PRIM2: variants seen among roughly 807,000 people sequenced by gnomAD.
PRIM2 encodes DNA primase subunit 2.
In PRIM2, 39 loss-of-function variants were observed where a neutral mutation model predicts 67.3. The observed-to-expected ratio is 0.58, with a 90% CI of 0.45 to 0.76. The LOEUF is 0.76. PRIM2 is among the 30% of genes least tolerant of loss of function. The pLI is 0.00. For synonymous variants in PRIM2, 143 were observed against 198.7 expected (o/e 0.72, Z 2.36); for missense variants, 398 against 598.7 (o/e 0.66, Z 3.50).
intron 11 of PRIM2, among the ~76,000 whole-genome samples, chr6:57,603,759 A>G (rs1341461121): frequency 6.6e-6 from 1 of 151,522 alleles, no homozygotes; most frequent in Non-Finnish European, 1.5e-5. Context: ...TTGAATCTGT[A>G]CATTACTTAG....
intron 7 of PRIM2, among the ~76,000 whole-genome samples, chr6:57,453,367 T>G (rs1478949940): frequency 6.6e-5 from 10 of 152,318 alleles, no homozygotes; most frequent in African/African-American, 2.4e-4. Context: ...ATCTATAAAT[T>G]ACCTTGGGCA....
chr6:57,544,649 T>C (rs1350831672), intron 10 of PRIM2, among the ~76,000 whole-genome samples: 2 of 152,220 alleles, frequency 1.3e-5, no homozygotes, highest in African/African-American at 4.8e-5. Context: ...GCTACCAGAT[T>C]ATGTTCTTTT....
intron 7 of PRIM2, among the ~76,000 whole-genome samples, chr6:57,486,932 A>G (rs1452307150): frequency 6.6e-6 from 1 of 152,176 alleles, no homozygotes; most frequent in Non-Finnish European, 1.5e-5. Flanking sequence ...TCTAGTGTGA[A>G]TCATAAGGAT....
At chr6:57,543,146 A>G (rs1466094043) in intron 10 of PRIM2, among the ~76,000 whole-genome samples, 3 of 150,352 alleles carry the variant, frequency 2.0e-5, no homozygotes, top group African/African-American at 7.4e-5. Flanking sequence ...TCACCGTGTT[A>G]GCCAGGATGG....
chr6:57,256,085 A>G, the PRIM2 span, among the ~76,000 whole-genome samples: 1 of 152,128 alleles, frequency 6.6e-6, no homozygotes, highest in Non-Finnish European at 1.5e-5. Flanking sequence ...TTGGAAGGAT[A>G]AATACTGTCT....
chr6:57,278,972 TTCAAATATTCTG>T, the PRIM2 span, among the ~76,000 whole-genome samples: 8 of 152,228 alleles, frequency 5.3e-5, no homozygotes, highest in African/African-American at 1.9e-4. Context: ...TATTTGTTCA[TTCAAATATTCTG>T]TTATGCTTAT....
chr6:57,503,531 T>A (rs1295700936), intron 7 of PRIM2, among the ~76,000 whole-genome samples: 8 of 152,096 alleles, frequency 5.3e-5, no homozygotes, highest in African/African-American at 1.9e-4. Flanking sequence ...GGTGGATCAC[T>A]TGAGGTCAGA....
chr6:57,346,444 C>T (rs1768681383), intron 5 of PRIM2, among the ~76,000 whole-genome samples: 1 of 151,988 alleles, frequency 6.6e-6, no homozygotes, highest in Admixed American at 6.5e-5. Context: ...CCCAGCCTCC[C>T]GAGTAGCTGG....
the PRIM2 span, among the ~76,000 whole-genome samples, chr6:57,301,707 C>G: frequency 6.6e-6 from 1 of 152,120 alleles, no homozygotes; most frequent in Non-Finnish European, 1.5e-5. Context: ...ATGCTAGCTA[C>G]TTGGTGGCTG....
At chr6:57,269,412 T>G in the PRIM2 span, among the ~76,000 whole-genome samples, 1 of 152,066 alleles carries the variant, frequency 6.6e-6, no homozygotes, top group East Asian at 1.9e-4. Context: ...TCATGTGTTT[T>G]TTGGCTGCAT....
chr6:57,264,098 A>G, the PRIM2 span, among the ~76,000 whole-genome samples: 1 of 152,148 alleles, frequency 6.6e-6, no homozygotes, highest in Non-Finnish European at 1.5e-5. Flanking sequence ...TTAAATATTT[A>G]TGTCTTCTGA....
intron 5 of PRIM2, among the ~76,000 whole-genome samples, chr6:57,340,015 A>G (rs1479341277): frequency 6.6e-6 from 1 of 152,150 alleles, no homozygotes; most frequent in Non-Finnish European, 1.5e-5. Context: ...TATGAGGAAA[A>G]AAAAACAACC....
At chr6:57,640,132 A>G (rs1391239400) in intron 13 of PRIM2, among the ~76,000 whole-genome samples, 2 of 152,220 alleles carry the variant, frequency 1.3e-5, no homozygotes, top group African/African-American at 4.8e-5. Context: ...CAATGACAAA[A>G]ACCACATGAT....
At chr6:57,231,372 T>G in the PRIM2 span, among the ~76,000 whole-genome samples, 2 of 152,090 alleles carry the variant, frequency 1.3e-5, no homozygotes, top group Non-Finnish European at 2.9e-5. Flanking sequence ...AATACTTATC[T>G]CAAAAACTCA....
the PRIM2 span, among the ~76,000 whole-genome samples, chr6:57,223,624 G>T: frequency 4.6e-5 from 7 of 151,504 alleles, no homozygotes; most frequent in East Asian, 1.4e-3. Flanking sequence ...CCCTTTCTGA[G>T]AAAAGAAAAA....
At position 57,482,960 on chromosome 6, in the gene PRIM2, A is replaced by G. The variant is rs1773665759; in HGVS notation, c.694-24427A>G. On this transcript the variant is annotated intron_variant, in intron 7 of 13. Transcript: ENST00000615550. Reference sequence around the variant, plus strand: ...AATCTTGCTTTGTCGCACAGGCTGGAGTGCAGTGGTGCCATCTCTGCTCAC... The same window carrying G: ...AATCTTGCTTTGTCGCACAGGCTGGGGTGCAGTGGTGCCATCTCTGCTCAC... 3.3e-5 allele frequency among the ~76,000 whole-genome samples: 5 copies of G among 152,184 alleles called. No homozygotes were observed. The South Asian group carries it at 1.0e-3, about 32-fold the overall frequency.
intron 10 of PRIM2, among the ~76,000 whole-genome samples, chr6:57,540,039 T>C (rs1775114809): frequency 6.6e-6 from 1 of 151,966 alleles, no homozygotes. Flanking sequence ...AAAGTTTTAA[T>C]GCATGCTGTG....
intron 3 of PRIM2, among the ~76,000 whole-genome samples, chr6:57,321,336 C>T (rs928238835): frequency 1.3e-5 from 2 of 152,126 alleles, no homozygotes; most frequent in Admixed American, 6.6e-5. Flanking sequence ...TAGTTCTTAA[C>T]ATGAATTTGA....
At chr6:57,381,283 C>T (rs1769952164) in intron 6 of PRIM2, among the ~76,000 whole-genome samples, 1 of 152,114 alleles carries the variant, frequency 6.6e-6, no homozygotes, top group Admixed American at 6.6e-5. Flanking sequence ...ATATTTAATT[C>T]TTCCTTAAAA....
Sources: allele counts gnomAD v4.1 joint callset (sites outside exome capture counted in the v4.1 genomes callset), GRCh38; gene constraint gnomAD v4.1.1; transcripts MANE v1.5; gene names NCBI Gene and HGNC (gene_info 2026-07-23, HGNC 2026-07-21).